Variants in STPG2 observed in about 807,000 individuals in gnomAD.
The protein encoded by STPG2 is sperm-tail PG-rich repeat-containing protein 2.
STPG2 carries 56 observed loss-of-function variants against 54.2 expected under a neutral mutation model. The ratio of observed to expected loss-of-function variants is 1.03; its 90% CI spans 0.83 to 1.29. The LOEUF is 1.29. STPG2 is among the 50% of genes most tolerant of loss of function. The probability of loss-of-function intolerance (pLI) is 0.00; values close to 1 mark genes in which losing one functional copy is unlikely to be tolerated. For synonymous variants in STPG2, 200 were observed against 181.8 expected, an observed-to-expected ratio of 1.10 and a Z score of -0.81; for missense variants, 596 against 544.9, an observed-to-expected ratio of 1.09 and a Z score of -0.93.
At chr4:97,597,510 G>A (rs1393502119) in intron 10 of STPG2, among the ~76,000 whole-genome samples, 24 of 151,776 alleles carry the variant, frequency 1.6e-4, no homozygotes, top group Admixed American at 1.6e-3. Flanking sequence ...AGAAAATCCA[G>A]CAGTGATCAA....
intron 8 of STPG2, among the ~76,000 whole-genome samples, chr4:97,910,470 G>C (rs1271587060): frequency 6.6e-6 from 1 of 152,136 alleles, no homozygotes; most frequent in African/African-American, 2.4e-5. Flanking sequence ...GTTTCAAAAA[G>C]TCCACTGGGT....
intron 5 of STPG2, among the ~76,000 whole-genome samples, chr4:98,055,812 C>T (rs1737463734): frequency 6.6e-6 from 1 of 152,168 alleles, no homozygotes; most frequent in Admixed American, 6.5e-5. Flanking sequence ...ACCTGAGCAA[C>T]CCTTGGTCTG....
intron 10 of STPG2, among the ~76,000 whole-genome samples, chr4:97,703,681 T>C (rs1291759425): frequency 1.4e-5 from 2 of 140,854 alleles, no homozygotes; most frequent in Non-Finnish European, 3.0e-5. Flanking sequence ...ATATATATAG[T>C]ATATATATTT....
At chr4:97,682,074 C>G (rs1723054040) in intron 10 of STPG2, among the ~76,000 whole-genome samples, 1 of 151,672 alleles carries the variant, frequency 6.6e-6, no homozygotes, top group Non-Finnish European at 1.5e-5. Context: ...TGATATTTGT[C>G]TATTCTGTGT....
chr4:98,025,375 G>GTTT (rs1321626746), intron 5 of STPG2: 4 of 334,974 alleles, frequency 1.2e-5, no homozygotes, highest in African/African-American at 8.6e-5. Flanking sequence ...TGGGCCTGCA[G>GTTT]GCCTTTGTTC....
chr4:97,735,527 A>AAAC (rs1375383943), intron 9 of STPG2, among the ~76,000 whole-genome samples: 2 of 150,322 alleles, frequency 1.3e-5, no homozygotes, highest in African/African-American at 4.9e-5. Flanking sequence ...ACGAAAAGGG[A>AAAC]GAATATGGAT....
chr4:97,795,813 C>A (rs1727154320), intron 9 of STPG2, among the ~76,000 whole-genome samples: 1 of 152,144 alleles, frequency 6.6e-6, no homozygotes, highest in Non-Finnish European at 1.5e-5. Context: ...TACAGTGCCA[C>A]CAACAGTGTA....
At chr4:98,053,472 C>A (rs1206510325) in intron 5 of STPG2, among the ~76,000 whole-genome samples, 12 of 152,020 alleles carry the variant, frequency 7.9e-5, no homozygotes, top group Admixed American at 7.9e-4. Context: ...TCTATTAGAG[C>A]CATTAACTAT....
intron 4 of STPG2, among the ~76,000 whole-genome samples, chr4:97,517,603 AT>A (rs11390767): frequency 6.5e-4 from 99 of 151,850 alleles, no homozygotes; most frequent in Non-Finnish European, 1.2e-3. Context: ...CTTAGTGTCA[AT>A]TTTTTTCAGT....
Position 97,718,261 on chromosome 4 carries a change from TTAAA to T in STPG2, c.1205-5451_1205-5448del, listed in dbSNP as rs1288255601. 2.6e-5 allele frequency among the ~76,000 whole-genome samples: 4 copies of T among 152,196 alleles called. No individual in the cohort carries two copies. In the East Asian group the frequency reaches 5.8e-4, roughly 22 times the overall value. On this transcript the variant is annotated intron_variant, in intron 9 of 10. Transcript: ENST00000295268. ...TTTAAAAATAATTAAAACACTTGAT[TTAAA>T]TAAACTAAATTCTTCACAAACATTA...
intron 9 of STPG2, among the ~76,000 whole-genome samples, chr4:97,838,163 C>T (rs1185979803): frequency 6.6e-6 from 1 of 150,952 alleles, no homozygotes; most frequent in Non-Finnish European, 1.5e-5. Flanking sequence ...ATTCTGCATC[C>T]AACCAAAAAA....
intron 9 of STPG2, among the ~76,000 whole-genome samples, chr4:97,723,334 G>A (rs551237594): frequency 6.6e-6 from 1 of 152,120 alleles, no homozygotes; most frequent in South Asian, 2.1e-4. Flanking sequence ...CAAAAGGGGG[G>A]AGGGAGGGGT....
intron 10 of STPG2, among the ~76,000 whole-genome samples, chr4:97,699,959 A>T (rs1723714488): frequency 6.6e-6 from 1 of 152,138 alleles, no homozygotes; most frequent in South Asian, 2.1e-4. Flanking sequence ...TGCATGACCC[A>T]CTTTATGGCT....
chr4:97,892,413 A>G (rs1730804008), intron 8 of STPG2, among the ~76,000 whole-genome samples: 1 of 152,136 alleles, frequency 6.6e-6, no homozygotes, highest in African/African-American at 2.4e-5. Flanking sequence ...GTCTATTGCC[A>G]GATAGTTACA....
intron 10 of STPG2, among the ~76,000 whole-genome samples, chr4:97,612,138 C>CA (rs922559069): frequency 1.3e-5 from 2 of 149,068 alleles, no homozygotes; most frequent in East Asian, 2.0e-4. Flanking sequence ...ATTTCACATA[C>CA]AAAAAAAATA....
chr4:97,599,114 AAAG>A (rs1395712089), intron 10 of STPG2, among the ~76,000 whole-genome samples: 3 of 152,228 alleles, frequency 2.0e-5, no homozygotes, highest in Non-Finnish European at 4.4e-5. Context: ...ACCCTTATCA[AAAG>A]AAGACATATT....
chr4:97,485,528 T>G (rs1198729468), intron 4 of STPG2, among the ~76,000 whole-genome samples: 3 of 151,666 alleles, frequency 2.0e-5, no homozygotes, highest in African/African-American at 7.3e-5. Flanking sequence ...CAATGAAAAC[T>G]GCAGAACACT....
chr4:98,080,641 T>C (rs1437428232), intron 5 of STPG2, among the ~76,000 whole-genome samples: 1 of 152,162 alleles, frequency 6.6e-6, no homozygotes, highest in Non-Finnish European at 1.5e-5. Context: ...TAAATGGAGT[T>C]GGAAACATTG....
At chr4:97,455,502 T>C (rs932105559) in intron 4 of STPG2, among the ~76,000 whole-genome samples, 1 of 152,006 alleles carries the variant, frequency 6.6e-6, no homozygotes, top group Non-Finnish European at 1.5e-5. Flanking sequence ...TGGAAGAACA[T>C]GGAGTTTTGC....
Sources: gnomAD v4.1 joint callset for allele counts (sites outside exome capture counted in the v4.1 genomes callset) on GRCh38, gnomAD v4.1.1 for gene constraint, MANE v1.5 for transcripts, NCBI Gene and HGNC (gene_info 2026-07-23, HGNC 2026-07-21) for gene names.